Variants in SYNE1 observed in about 807,000 individuals in gnomAD.
SYNE1 encodes the protein spectrin repeat containing nuclear envelope protein 1.
A neutral mutation model predicts 1,111.0 loss-of-function variants in SYNE1; 616 were observed. The observed-to-expected ratio is 0.55, with a 90% CI of 0.52 to 0.59. The LOEUF (loss-of-function observed/expected upper bound fraction) is 0.59, where lower values mean the gene tolerates loss of function less well. SYNE1 is among the 20% of genes least tolerant of loss of function. The probability of loss-of-function intolerance (pLI) is 0.00; values close to 1 mark genes in which losing one functional copy is unlikely to be tolerated. For synonymous variants in SYNE1, 3,855 were observed against 3,825.8 expected, an observed-to-expected ratio of 1.01 and a Z score of -0.28; for missense variants, 10,006 against 10,417.0, an observed-to-expected ratio of 0.96 and a Z score of 1.72.
At chr6:152,414,310 G>T (rs2098119266) in intron 41 of SYNE1, among the ~76,000 whole-genome samples, 1 of 152,088 alleles carries the variant, frequency 6.6e-6, no homozygotes, top group South Asian at 2.1e-4. Flanking sequence ...TTGGGAGGCT[G>T]AGGCTGGAGG....
At chr6:152,573,160 T>C (rs2099473706) in intron 3 of SYNE1, among the ~76,000 whole-genome samples, 1 of 152,140 alleles carries the variant, frequency 6.6e-6, no homozygotes, top group South Asian at 2.1e-4. Flanking sequence ...GAGGTCTCTA[T>C]AGAGGAGGCT....
intron 128 of SYNE1, among the ~76,000 whole-genome samples, chr6:152,180,903 TTTTA>T (rs1280153408): frequency 6.6e-6 from 1 of 151,862 alleles, no homozygotes; most frequent in African/African-American, 2.4e-5. Context: ...CAGTTTTCAT[TTTTA>T]TTTATTTAAT....
intron 91 of SYNE1, among the ~76,000 whole-genome samples, chr6:152,303,413 A>AG: frequency 6.6e-6 from 1 of 152,086 alleles, no homozygotes; most frequent in African/African-American, 2.4e-5. Flanking sequence ...AAAAAAAAAA[A>AG]AAAGAACACA....
intron 63 of SYNE1, among the ~76,000 whole-genome samples, chr6:152,362,985 A>G (rs529851371): frequency 6.6e-6 from 1 of 150,690 alleles, no homozygotes; most frequent in South Asian, 2.1e-4. Flanking sequence ...GGTTCACGCC[A>G]TTCTCCTTCC....
Position 152,331,338 on chromosome 6 carries a change from G to A in SYNE1, c.13347C>T (p.Asn4449=), listed in dbSNP as rs2096243500. ...ACTGGGTTTTCTCGGACAAGGCTTT[G>A]TTTAAGTACTTTCTTCGCTGGCCCA... is the stretch of plus-strand genomic sequence containing the variant. ...DLVGQRRKYL[N]KALSEKTQFL... Residue 4449 remains asparagine, a synonymous_variant, in exon 78 of 146, where the codon AAC becomes AAT. Transcript: ENST00000367255. The A allele has an allele frequency of 6.2e-7, 1 of 1,614,184 alleles. No individual in the cohort carries two copies. Among genetic ancestry groups the A allele is most frequent in the Non-Finnish European group, 8.5e-7 (1 of 1,180,026 alleles).
At chr6:152,445,064 G>A (rs974496561) in intron 29 of SYNE1, among the ~76,000 whole-genome samples, 13 of 151,620 alleles carry the variant, frequency 8.6e-5, no homozygotes, top group South Asian at 2.1e-4. Context: ...GGTTTTATTC[G>A]ATATGGTGCT....
intron 64 of SYNE1, among the ~76,000 whole-genome samples, chr6:152,361,009 A>G (rs929790145): frequency 3.3e-5 from 5 of 152,358 alleles, no homozygotes; most frequent in East Asian, 3.9e-4. Flanking sequence ...ACCAAGGGCT[A>G]TGAGAGAACA....
Position 152,425,507 on chromosome 6 carries a change from C to G in SYNE1, c.5141G>C (p.Ser1714Thr), listed in dbSNP as rs770628508. ...TGATTCCTTCAATTGCAAAAGTTTG[C>G]TATAGAATGAGGCCTGGGATACAAC... ...NEVVSQASFY[S>T]KLLQLKESLF... Residue 1714 changes from serine (S) to threonine (T), a missense_variant, in exon 39 of 146, where the codon AGC (serine) becomes ACC (threonine). Around this residue, in one of 7 missense-constraint regions of SYNE1, gnomAD observed 1,971 missense variants for 2,084.1 expected, o/e 0.95. Transcript: ENST00000367255. 3.1e-6 allele frequency: 5 copies of G among 1,614,152 alleles called. No individual in the cohort carries two copies. The highest frequency in any genetic ancestry group is 4.2e-6 in the Non-Finnish European group (5 of 1,180,038).
intron 25 of SYNE1, chr6:152,453,322 C>T (rs2098666664): frequency 3.3e-6 from 2 of 598,008 alleles, no homozygotes; most frequent in Non-Finnish European, 5.8e-6. Flanking sequence ...TGTTCTTGCA[C>T]CCTGGATTAA....
rs569446929 is a variant in SYNE1 at position 152,526,735 on chromosome 6, T to C, written c.130-560A>G. 2.6e-5 allele frequency among the ~76,000 whole-genome samples: 4 copies of C among 152,292 alleles called. No individual in the cohort carries two copies. In the East Asian group the frequency reaches 5.8e-4, roughly 22 times the overall value. On this transcript the variant is annotated intron_variant, in intron 4 of 145. Coordinates refer to ENST00000367255, the MANE Select transcript of SYNE1 (RefSeq NM_182961.4). Reference sequence around the variant, plus strand: ...CTTCCTGTGGGTTAGTTAGCTGTTATGTTGTGTTCTACAGCCTGGTGAATC... The same window carrying C: ...CTTCCTGTGGGTTAGTTAGCTGTTACGTTGTGTTCTACAGCCTGGTGAATC...
chr6:152,362,033 G>C (rs1200248299), intron 64 of SYNE1, 137 bp downstream of exon 64: 2 of 1,187,388 alleles, frequency 1.7e-6, no homozygotes, highest in Non-Finnish European at 1.2e-6. Context: ...GAAGCCTTTA[G>C]AGATTATACT....
At chr6:152,363,449 G>T (rs549740763) in intron 63 of SYNE1, among the ~76,000 whole-genome samples, 1 of 150,832 alleles carries the variant, frequency 6.6e-6, no homozygotes, top group African/African-American at 2.4e-5. Context: ...AGCCGAGATC[G>T]TGCCACTGCA....
intron 93 of SYNE1, among the ~76,000 whole-genome samples, chr6:152,294,383 A>T (rs1365593865): frequency 6.6e-6 from 1 of 152,236 alleles, no homozygotes; most frequent in Non-Finnish European, 1.5e-5. Flanking sequence ...GCCAAAACTC[A>T]ATCTTATTCT....
At chr6:152,328,704 G>A (rs1176265254) in intron 78 of SYNE1, among the ~76,000 whole-genome samples, 1 of 151,974 alleles carries the variant, frequency 6.6e-6, no homozygotes, top group African/African-American at 2.4e-5. Context: ...GAGCCACCGC[G>A]CCCAGCCCTC....
At chr6:152,366,426 C>T (rs924959057) in intron 62 of SYNE1, among the ~76,000 whole-genome samples, 3 of 152,076 alleles carry the variant, frequency 2.0e-5, no homozygotes, top group African/African-American at 7.2e-5. Context: ...CTTTGGGAGG[C>T]CAAGGCAAGA....
intron 93 of SYNE1, among the ~76,000 whole-genome samples, chr6:152,294,602 T>C (rs941877684): frequency 1.3e-5 from 2 of 152,162 alleles, no homozygotes; most frequent in Admixed American, 6.5e-5. Flanking sequence ...TGTGGGTTCA[T>C]CATTTGCTGA....
chr6:152,543,065 A>T (rs2099279499), intron 3 of SYNE1, among the ~76,000 whole-genome samples: 1 of 152,086 alleles, frequency 6.6e-6, no homozygotes, highest in African/African-American at 2.4e-5. Context: ...TCTTAATATA[A>T]ATTGTTATAT....
At chr6:152,155,163 TA>T in intron 132 of SYNE1, 121 bp from the exon 133 acceptor site, 1 of 1,240,780 alleles carries the variant, frequency 8.1e-7, no homozygotes, top group Non-Finnish European at 1.2e-6. Flanking sequence ...TGCCAAACGA[TA>T]ACCATTCCTC....
At chr6:152,171,382 G>C (rs2763031) in intron 130 of SYNE1, among the ~76,000 whole-genome samples, 28 of 152,122 alleles carry the variant, frequency 1.8e-4, no homozygotes, top group African/African-American at 6.0e-4. Flanking sequence ...CAGCAAATAC[G>C]GGAGTGACTG....
Sources: allele counts gnomAD v4.1 joint callset (sites outside exome capture counted in the v4.1 genomes callset), GRCh38; gene constraint gnomAD v4.1.1; regional missense constraint gnomAD v4.1.1; transcripts MANE v1.5; gene names NCBI Gene and HGNC (gene_info 2026-07-23, HGNC 2026-07-21).